Variants in CLEC2B observed in about 807,000 individuals in gnomAD.
CLEC2B encodes the protein C-type (calcium dependent, carbohydrate-recognition domain) lectin, superfamily member 2 (activation-induced).
In CLEC2B, 14 loss-of-function variants were observed where a neutral mutation model predicts 16.2. The observed-to-expected ratio is 0.86, with a 90% confidence interval of 0.57 to 1.35. CLEC2B has a LOEUF of 1.35. CLEC2B is among the 40% of genes most tolerant of loss of function. The probability of loss-of-function intolerance (pLI) is 0.00; values close to 1 mark genes in which losing one functional copy is unlikely to be tolerated. For missense variants in CLEC2B, 166 were observed against 182.3 expected, an observed-to-expected ratio of 0.91 and a Z score of 0.52; for synonymous variants, 42 against 55.8, an observed-to-expected ratio of 0.75 and a Z score of 1.10.
intron 2 of CLEC2B, 58 bp downstream of exon 2, chr12:9,862,440 GA>G: frequency 7.5e-7 from 1 of 1,341,974 alleles, no homozygotes; most frequent in East Asian, 3.1e-5. Flanking sequence ...GACTGAGACA[GA>G]AAGGAATAGG....
At chr12:9,867,108 G>A (rs1158899024) in intron 1 of CLEC2B, 1 of 152,108 alleles carries the variant, frequency 6.6e-6, no homozygotes, top group African/African-American at 2.4e-5. Context: ...AGCTAGACCC[G>A]AAGAGGTCAT....
chr12:9,862,493 A>G lies in CLEC2B; in HGVS notation c.73+6T>C. 6.9e-7 allele frequency: 1 copy of G among 1,450,380 alleles called. No homozygotes were observed. Among genetic ancestry groups the G allele is most frequent in the Non-Finnish European group, 9.3e-7 (1 of 1,078,860 alleles). The allele number at this position is 1,450,380 out of a possible 1,614,324, so 89.8% of individuals were successfully genotyped here. On this transcript the variant is annotated splice_donor_region_variant and intron_variant, in intron 2 of 4. Transcript: ENST00000228438. ...CATGAAAAATAAAATGAAGGATGTAACTTACCTATCAGAGTAATAATATTA... is the reference window on the plus strand; with the variant it reads ...CATGAAAAATAAAATGAAGGATGTAGCTTACCTATCAGAGTAATAATATTA...
At chr12:9,855,082 CT>C (rs1867885263) in intron 3 of CLEC2B, among the ~76,000 whole-genome samples, 2 of 151,886 alleles carry the variant, frequency 1.3e-5, no homozygotes, top group Admixed American at 1.3e-4. Flanking sequence ...TTTAACTTAC[CT>C]CGACCTTGCT....
chr12:9,859,576 G>T (rs1263769635), intron 2 of CLEC2B, among the ~76,000 whole-genome samples: 1 of 151,658 alleles, frequency 6.6e-6, no homozygotes, highest in African/African-American at 2.4e-5. Flanking sequence ...TGCACAAAAA[G>T]AAATCTCCCT....
At chr12:9,863,980 A>G (rs1867951754) in intron 1 of CLEC2B, among the ~76,000 whole-genome samples, 1 of 152,096 alleles carries the variant, frequency 6.6e-6, no homozygotes, top group African/African-American at 2.4e-5. Flanking sequence ...TCCGACCCCA[A>G]CAAGACTACC....
At chr12:9,853,979 A>G (rs1450741979) in intron 4 of CLEC2B, among the ~76,000 whole-genome samples, 1 of 152,230 alleles carries the variant, frequency 6.6e-6, no homozygotes, top group Non-Finnish European at 1.5e-5. Context: ...ACTGCATAAC[A>G]GTGAAATTGC....
rs749625504 is a variant in CLEC2B at position 9,853,345 on chromosome 12, T to C, written c.405A>G (p.Arg135=). The C allele has an allele frequency of 6.2e-7, 1 of 1,614,106 alleles. No homozygotes were observed. Among genetic ancestry groups the C allele is most frequent in the Non-Finnish European group, 8.5e-7 (1 of 1,179,956 alleles). ...AAATCCATTTTCTTTCGGTGTAACA[T>C]CTAGCTGTTGCTGCACCATCATCGC... The part of the protein sequence containing the change: ...YLSDDGAATA[R]CYTERKWICR... The change falls in exon 5 of 5, where the codon AGA becomes AGG. Residue 135 remains arginine, a synonymous_variant. Transcript: ENST00000228438.
chr12:9,853,083 A>AAGAAAGAG lies in CLEC2B; in HGVS notation c.*216_*217insCTCTTTCT. The AAGAAAGAG allele has an allele frequency of 6.1e-6, 2 of 329,814 alleles. No homozygotes were observed. The highest frequency in any genetic ancestry group is 1.1e-5 in the Non-Finnish European group (2 of 184,446). The allele number at this position is 329,814 out of a possible 1,614,324, so 20.4% of individuals were successfully genotyped here. On this transcript the variant is annotated 3_prime_UTR_variant, in exon 5 of 5. Transcript: ENST00000228438. ...AAAGAAAGAAAGAAAGAAAGAAAGA[A>AAGAAAGAG]AGAGAGAGAGAGAAAGAAAGAAAGA... is the stretch of plus-strand genomic sequence containing the variant.
In CLEC2B at chr12:9,853,235, G is replaced by A. The variant is rs976368650; in HGVS notation, c.*65C>T. On this transcript the variant is annotated 3_prime_UTR_variant, in exon 5 of 5. Coordinates refer to ENST00000228438, the MANE Select transcript of CLEC2B (RefSeq NM_005127.3). Reference sequence around the variant, plus strand: ...ACTCGAACTTTGTTTAATTAAAAAAGTACTTTGCTGGTTTTACACTTAATA... The same window carrying A: ...ACTCGAACTTTGTTTAATTAAAAAAATACTTTGCTGGTTTTACACTTAATA... 5.6e-6 allele frequency: 7 copies of A among 1,259,058 alleles called. No homozygotes were observed. The East Asian group carries it at 1.7e-4, about 30-fold the overall frequency. 78.0% of individuals were successfully genotyped at this position (1,259,058 alleles called of 1,614,324 possible).
chr12:9,864,254 C>T (rs1279785146), intron 1 of CLEC2B, among the ~76,000 whole-genome samples: 2 of 150,014 alleles, frequency 1.3e-5, no homozygotes, highest in East Asian at 2.0e-4. Flanking sequence ...CCCAGACAAA[C>T]AAAAACTGAG....
rs527831802 is a variant in CLEC2B at position 9,859,120 on chromosome 12, T to C, written c.74-1483A>G. Among the ~76,000 whole-genome samples, 5 of 152,000 alleles carry C rather than the reference T, an allele frequency of 3.3e-5. No individual in the cohort carries two copies. In the South Asian group the frequency reaches 1.0e-3, roughly 32 times the overall value. On this transcript the variant is annotated intron_variant, in intron 2 of 4. Transcript: ENST00000228438. The stretch of plus-strand genomic sequence containing the variant: ...AACTTATGGGATTCAACTAAACTTG[T>C]GGGACACAGCAACTCCCTTAAAGCT...
intron 3 of CLEC2B, chr12:9,856,854 A>C (rs1403608450): frequency 1.3e-5 from 2 of 152,070 alleles, no homozygotes; most frequent in East Asian, 3.8e-4. Flanking sequence ...GTTCTTGGAG[A>C]GCCTCTTTAC....
At chr12:9,855,444 C>T (rs950047089) in intron 3 of CLEC2B, among the ~76,000 whole-genome samples, 1 of 151,788 alleles carries the variant, frequency 6.6e-6, no homozygotes. Flanking sequence ...ATAATGTAAA[C>T]ATAATGTTAG....
At chr12:9,856,524 T>G (rs1235730353) in intron 3 of CLEC2B, among the ~76,000 whole-genome samples, 1 of 152,074 alleles carries the variant, frequency 6.6e-6, no homozygotes, top group Admixed American at 6.6e-5. Context: ...ACCTATAAAT[T>G]GGCTCTGCCT....
intron 2 of CLEC2B, among the ~76,000 whole-genome samples, chr12:9,862,246 G>A (rs1169482190): frequency 6.6e-6 from 1 of 152,002 alleles, no homozygotes; most frequent in Non-Finnish European, 1.5e-5. Flanking sequence ...TCAAGATAGT[G>A]ATTAACATAG....
intron 4 of CLEC2B, among the ~76,000 whole-genome samples, 185 bp downstream of exon 4, chr12:9,854,196 T>C (rs1021230584): frequency 1.3e-5 from 2 of 152,138 alleles, no homozygotes; most frequent in Non-Finnish European, 2.9e-5. Flanking sequence ...ATCTGTTCCC[T>C]TACATCTTAA....
At position 9,862,514 on chromosome 12, in the gene CLEC2B, T is replaced by C; in HGVS notation, c.58A>G (p.Ile20Val). Residue 20 changes from isoleucine (I) to valine (V), a missense_variant, in exon 2 of 5, where the codon ATT becomes GTT. Transcript: ENST00000228438. ...IIVGVLITTN[I>V]ITLIVKLTRD... ...TGTAACTTACCTATCAGAGTAATAA[T>C]ATTAGTTGTTATTAAAACACCAACA... 1 of 1,456,342 alleles carries C rather than the reference T, an allele frequency of 6.9e-7. No individual in the cohort carries two copies. Among genetic ancestry groups the C allele is most frequent in the Non-Finnish European group, 9.3e-7 (1 of 1,078,528 alleles). 90.2% of individuals were successfully genotyped at this position (1,456,342 alleles called of 1,614,324 possible). A position where few individuals can be genotyped will look rare whatever the true frequency, so the allele number is the denominator to read the frequency against.
chr12:9,853,113 A>AGAAAGAG lies in CLEC2B; in HGVS notation c.*186_*187insCTCTTTC, dbSNP rs1867862929. On this transcript the variant is annotated 3_prime_UTR_variant, in exon 5 of 5. Coordinates refer to ENST00000228438, the MANE Select transcript of CLEC2B (RefSeq NM_005127.3). ...AGAGAGAGAAAGAAAGAAAGAAAAA[A>AGAAAGAG]ACTCAGCAGAATACCTGTAACCATT... The AGAAAGAG allele has an allele frequency of 4.9e-6, 2 of 408,878 alleles. No homozygotes were observed. The highest frequency in any genetic ancestry group is 6.5e-4 in the Middle Eastern group (1 of 1,548). 25.3% of individuals were successfully genotyped at this position (408,878 alleles called of 1,614,324 possible). A position where few individuals can be genotyped will look rare whatever the true frequency, so the allele number is the denominator to read the frequency against.
Position 9,862,538 on chromosome 12 carries a change from C to A in CLEC2B, c.34G>T (p.Val12Phe), listed in dbSNP as rs1297541415. Residue 12 changes from valine (V) to phenylalanine (F), a missense_variant, in exon 2 of 5, where the codon GTT (valine) becomes TTT (phenylalanine). Transcript: ENST00000228438. ...ATATTAGTTGTTATTAAAACACCAA[C>A]AATTATAAAACACTTTTTATGTTTG... ...MTKHKKCFII[V>F]GVLITTNIIT... The A allele has an allele frequency of 3.4e-6, 5 of 1,469,940 alleles. No individual in the cohort carries two copies. Among genetic ancestry groups the A allele is most frequent in the Non-Finnish European group, 4.6e-6 (5 of 1,090,950 alleles). 91.1% of individuals were successfully genotyped at this position (1,469,940 alleles called of 1,614,324 possible). A position where few individuals can be genotyped will look rare whatever the true frequency, so the allele number is the denominator to read the frequency against.
Sources: gnomAD v4.1 joint callset for allele counts (sites outside exome capture counted in the v4.1 genomes callset) on GRCh38, gnomAD v4.1.1 for gene constraint, MANE v1.5 for transcripts, NCBI Gene and HGNC (gene_info 2026-07-23, HGNC 2026-07-21) for gene names.